The following FOXK2 variants were observed in gnomAD, a reference collection of about 807,000 sequenced individuals.
FOXK2 encodes forkhead box protein K2.
Under a neutral mutation model 53.3 loss-of-function variants are expected in FOXK2, and 24 were observed. The ratio of observed to expected loss-of-function variants is 0.45; its 90% CI spans 0.33 to 0.63. FOXK2 has a LOEUF of 0.63. Among genes scored for constraint, FOXK2 ranks in the 30% least tolerant of loss-of-function variants. The probability of loss-of-function intolerance (pLI) is 0.03; values close to 1 mark genes in which losing one functional copy is unlikely to be tolerated. For missense variants in FOXK2, 952 were observed against 910.5 expected, an observed-to-expected ratio of 1.05 and a Z score of -0.59; for synonymous variants, 505 against 407.1, an observed-to-expected ratio of 1.24 and a Z score of -2.89.
At chr17:82,582,687 T>C in intron 4 of FOXK2, 54 bp from the exon 5 acceptor site, 1 of 1,448,810 alleles carries the variant, frequency 6.9e-7, no homozygotes, top group Non-Finnish European at 9.3e-7. Flanking sequence ...GGACACATTT[T>C]TATTTCTCAG....
chr17:82,543,562 G>A (rs2044593725), intron 1 of FOXK2, among the ~76,000 whole-genome samples: 1 of 152,166 alleles, frequency 6.6e-6, no homozygotes, highest in South Asian at 2.1e-4. Context: ...ATAGTTCTGG[G>A]CTCTGCTCTG....
chr17:82,548,632 T>A (rs975470490), intron 1 of FOXK2, among the ~76,000 whole-genome samples: 4 of 152,222 alleles, frequency 2.6e-5, no homozygotes, highest in South Asian at 2.1e-4. Context: ...GATTTCTACT[T>A]AATTTTTCAC....
At chr17:82,542,573 C>G (rs1169516820) in intron 1 of FOXK2, among the ~76,000 whole-genome samples, 1 of 152,112 alleles carries the variant, frequency 6.6e-6, no homozygotes, top group East Asian at 1.9e-4. Flanking sequence ...CTTGGCCTCC[C>G]AACCGTGAAT....
intron 4 of FOXK2, among the ~76,000 whole-genome samples, chr17:82,573,580 A>T (rs1351309393): frequency 6.6e-6 from 1 of 151,134 alleles, no homozygotes; most frequent in Non-Finnish European, 1.5e-5. Context: ...ACACACACAC[A>T]CACACACACA....
intron 1 of FOXK2, among the ~76,000 whole-genome samples, chr17:82,532,761 T>G (rs2044484575): frequency 6.6e-6 from 1 of 151,470 alleles, no homozygotes; most frequent in Non-Finnish European, 1.5e-5. Flanking sequence ...AGAGATGGGG[T>G]TTTGCCGTGT....
At position 82,573,562 on chromosome 17, in the gene FOXK2, T is replaced by TCTCTCACA. The variant is rs1185597025; in HGVS notation, c.909+1693_909+1694insTCTCACAC. ...CTCTCTCTCTCTCTCTCTCTCTCTC[T>TCTCTCACA]CACACACACACACACACACACACAC... On this transcript the variant is annotated intron_variant, in intron 4 of 8. Transcript: ENST00000335255. Among the ~76,000 whole-genome samples the TCTCTCACA allele has an allele frequency of 1.8e-3, 153 of 83,368 alleles. 1 individual carries two copies. Among genetic ancestry groups the TCTCTCACA allele is most frequent in the East Asian group, 4.0e-3 (10 of 2,520 alleles). The allele number at this position is 83,368 out of a possible 152,430, so 54.7% of individuals were successfully genotyped here.
At chr17:82,577,753 T>C (rs78946946) in intron 4 of FOXK2, among the ~76,000 whole-genome samples, 4,582 of 152,262 alleles carry the variant, frequency 0.03, 96 homozygotes, top group Non-Finnish European at 0.044. Context: ...ATTTATTTTT[T>C]TGGGGACAGA....
chr17:82,587,259 C>G lies in FOXK2; in HGVS notation c.1773C>G (p.Gly591=). The change falls in exon 8 of 9, where the codon GGC becomes GGG. Residue 591 remains glycine, a synonymous_variant. Transcript: ENST00000335255. ...CATCAGTCCCCACTGCGGTCCACGG[C>G]CAGGTGAACAATGGTAAGACATGCT... ...HVASVPTAVH[G]QVNNAAASPL... The G allele has an allele frequency of 6.2e-7, 1 of 1,612,674 alleles. No homozygotes were observed.
intron 1 of FOXK2, among the ~76,000 whole-genome samples, chr17:82,546,957 G>C (rs2044631896): frequency 6.6e-6 from 1 of 151,564 alleles, no homozygotes; most frequent in African/African-American, 2.4e-5. Context: ...GGTGCCTGTA[G>C]TCCCAGCTAC....
intron 3 of FOXK2, 62 bp downstream of exon 3, chr17:82,568,263 A>G (rs2291395): frequency 0.45 from 719,132 of 1,583,410 alleles, 163,993 homozygotes; most frequent in South Asian, 0.55. Context: ...AGGGCCCTCA[A>G]TGTCACCTGC....
rs1168973871 is a variant in FOXK2, at chr17:82,602,833, GGA to G, written c.*1338_*1339del. The G allele has an allele frequency of 1.3e-5, 2 of 152,292 alleles. No homozygotes were observed. Among genetic ancestry groups the G allele is most frequent in the Admixed American group, 6.5e-5 (1 of 15,292 alleles). 9.4% of individuals were successfully genotyped at this position (152,292 alleles called of 1,614,324 possible). ...CGAGGGCCGAGGGCCGTGCACATGGGGAGAGGGCGTCAGCCTGATGGCTGAGC... is the reference window on the plus strand; with the variant it reads ...CGAGGGCCGAGGGCCGTGCACATGGGGAGGGCGTCAGCCTGATGGCTGAGC... On this transcript the variant is annotated 3_prime_UTR_variant, in exon 9 of 9. Coordinates refer to ENST00000335255, the MANE Select transcript of FOXK2 (RefSeq NM_004514.4).
At chr17:82,559,094 G>A (rs4789793) in intron 1 of FOXK2, among the ~76,000 whole-genome samples, 67,097 of 151,882 alleles carry the variant, frequency 0.44, 15,001 homozygotes, top group South Asian at 0.55. Flanking sequence ...GGGTTTCACC[G>A]TGTTGGTCAG....
In FOXK2 at chr17:82,601,424, C is replaced by T. The variant is rs372593596; in HGVS notation, c.1908C>T (p.Asp636=). 1.1e-5 allele frequency: 18 copies of T among 1,612,706 alleles called. No individual in the cohort carries two copies. Among genetic ancestry groups the T allele is most frequent in the South Asian group, 3.3e-5 (3 of 91,070 alleles). Residue 636 remains aspartate, a synonymous_variant, in exon 9 of 9, where the codon GAC becomes GAT. Transcript: ENST00000335255. ...QPELKRIKTE[D]GEGIVIALSV... ...AGCTGAAGCGGATCAAGACAGAAGA[C>T]GGCGAGGGCATCGTCATTGCCCTGA... is the stretch of plus-strand genomic sequence containing the variant.
rs547879686 is a variant in FOXK2, at chr17:82,601,523, C to T, written c.*24C>T. ...AGCGACCGGGAGAGCTTTTCTTTAA[C>T]GATATCAACTCTGTGGTGCCAAAAG... On this transcript the variant is annotated 3_prime_UTR_variant, in exon 9 of 9. Transcript: ENST00000335255. The T allele has an allele frequency of 7.0e-6, 11 of 1,582,090 alleles. No homozygotes were observed. In the Admixed American group the frequency reaches 1.0e-4, roughly 15 times the overall value.
intron 8 of FOXK2, among the ~76,000 whole-genome samples, chr17:82,588,949 C>T (rs1415547454): frequency 6.7e-6 from 1 of 150,260 alleles, no homozygotes; most frequent in Non-Finnish European, 1.5e-5. Context: ...GTTGTAGCTT[C>T]TCGGGAGGCT....
intron 4 of FOXK2, among the ~76,000 whole-genome samples, chr17:82,574,377 A>G (rs566360848): frequency 2.7e-5 from 4 of 150,652 alleles, no homozygotes; most frequent in East Asian, 2.0e-4. Context: ...CTGGAGTGCA[A>G]TGGCGCGATC....
rs1379591963 is a variant in FOXK2 at position 82,601,936 on chromosome 17, C to G, written c.*437C>G. ...ATTAGAGTATTTTGAGGTGTCCTTT[C>G]TTTACAAAATAATGGGGTCTTGGGC... On this transcript the variant is annotated 3_prime_UTR_variant, in exon 9 of 9. Coordinates refer to ENST00000335255, the MANE Select transcript of FOXK2 (RefSeq NM_004514.4). 1 of 158,968 alleles carries G rather than the reference C, an allele frequency of 6.3e-6. No individual in the cohort carries two copies. The highest frequency in any genetic ancestry group is 1.4e-5 in the Non-Finnish European group (1 of 71,918). 9.8% of individuals were successfully genotyped at this position (158,968 alleles called of 1,614,324 possible). A position where few individuals can be genotyped will look rare whatever the true frequency, so the allele number is the denominator to read the frequency against.
chr17:82,576,062 G>A (rs1300238640), intron 4 of FOXK2, among the ~76,000 whole-genome samples: 3 of 122,724 alleles, frequency 2.4e-5, no homozygotes, highest in Admixed American at 1.7e-4. Context: ...CTCGGGTGGC[G>A]GCGGCGGGTT....
At chr17:82,561,623 T>C (rs2144111413) in intron 1 of FOXK2, among the ~76,000 whole-genome samples, 1 of 152,042 alleles carries the variant, frequency 6.6e-6, no homozygotes, top group South Asian at 2.1e-4. Flanking sequence ...TGCGTGTGCC[T>C]CACGGGGAAA....
Sources: gnomAD v4.1 joint callset for allele counts (sites outside exome capture counted in the v4.1 genomes callset) on GRCh38, gnomAD v4.1.1 for gene constraint, MANE v1.5 for transcripts, NCBI Gene and HGNC (gene_info 2026-07-23, HGNC 2026-07-21) for gene names.